The following CDH13 variants were observed in gnomAD, a reference collection of about 807,000 sequenced individuals.
CDH13 encodes cadherin 13, also known as cadherin-13.
Under a neutral mutation model 63.8 loss-of-function variants are expected in CDH13, and 24 were observed. The observed-to-expected ratio is 0.38, with a 90% CI of 0.27 to 0.53. The LOEUF (loss-of-function observed/expected upper bound fraction) is 0.53, where lower values mean the gene tolerates loss of function less well. Ranked by LOEUF, CDH13 falls within the 20% of genes least tolerant of loss-of-function variation. The pLI, the probability that CDH13 is intolerant of heterozygous loss-of-function variation, is 0.85. For missense variants in CDH13, 1,049 were observed against 903.1 expected, an observed-to-expected ratio of 1.16 and a Z score of -2.07; for synonymous variants, 503 against 355.3, an observed-to-expected ratio of 1.42 and a Z score of -4.67.
At position 83,734,517 on chromosome 16, in the gene CDH13, A is replaced by T. The variant is rs985900706; in HGVS notation, c.1539-13591A>T. Among the ~76,000 whole-genome samples, 3 of 148,712 alleles carry T rather than the reference A, an allele frequency of 2.0e-5. No individual in the cohort carries two copies. In the East Asian group the frequency reaches 6.3e-4, roughly 31 times the overall value. ...AAACACCGCATGTTCTCACTCATAG[A>T]TGGGAATTGAACAATGAGAACACAT... On this transcript the variant is annotated intron_variant, in intron 10 of 13. Transcript: ENST00000567109.
intron 3 of CDH13, among the ~76,000 whole-genome samples, chr16:83,121,049 G>A (rs549261499): frequency 7.9e-5 from 12 of 152,044 alleles, no homozygotes; most frequent in East Asian, 3.9e-4. Context: ...GGCGTGATCC[G>A]CTGCGCCCAG....
At chr16:82,658,095 T>C (rs1245288219) in intron 1 of CDH13, among the ~76,000 whole-genome samples, 6 of 152,250 alleles carry the variant, frequency 3.9e-5, no homozygotes, top group African/African-American at 1.4e-4. Flanking sequence ...TGTCTGTTAC[T>C]AGTTTGTTGA....
chr16:83,135,753 T>A (rs73604221), intron 4 of CDH13, among the ~76,000 whole-genome samples: 4,230 of 152,250 alleles, frequency 0.028, 210 homozygotes, highest in African/African-American at 0.097. Context: ...AACTCACAAT[T>A]GCAAAATCAT....
At chr16:82,672,398 C>G (rs769987329) in intron 1 of CDH13, among the ~76,000 whole-genome samples, 1 of 152,096 alleles carries the variant, frequency 6.6e-6, no homozygotes, top group African/African-American at 2.4e-5. Context: ...TATGCACCAC[C>G]ACCTTAAACT....
At chr16:83,014,577 T>TAC (rs1170894556) in intron 2 of CDH13, among the ~76,000 whole-genome samples, 28 of 149,888 alleles carry the variant, frequency 1.9e-4, no homozygotes, top group African/African-American at 6.4e-4. Context: ...CTACTAAAAA[T>TAC]AAAAAATTAG....
At chr16:83,749,670 C>G (rs1375277320) in intron 11 of CDH13, among the ~76,000 whole-genome samples, 4 of 152,090 alleles carry the variant, frequency 2.6e-5, no homozygotes, top group African/African-American at 9.7e-5. Context: ...GAGAGCTGGA[C>G]CAGATCTTGT....
chr16:82,692,060 C>T (rs1190898229), intron 1 of CDH13, among the ~76,000 whole-genome samples: 1 of 152,182 alleles, frequency 6.6e-6, no homozygotes. Context: ...GGGGATATGG[C>T]TGGACAATGA....
At chr16:83,602,332 T>C (rs1907925991) in intron 7 of CDH13, 122 bp from the exon 8 acceptor site, 4 of 941,900 alleles carry the variant, frequency 4.2e-6, no homozygotes, top group Non-Finnish European at 7.0e-6. Flanking sequence ...TATCACTCTT[T>C]AAAGATGCCT....
intron 10 of CDH13, among the ~76,000 whole-genome samples, chr16:83,739,069 G>A (rs939572081): frequency 6.6e-6 from 1 of 152,180 alleles, no homozygotes; most frequent in African/African-American, 2.4e-5. Context: ...CTGCCTACAA[G>A]GTTGGCCTCA....
At chr16:83,691,810 G>A (rs1433643009) in intron 10 of CDH13, among the ~76,000 whole-genome samples, 3 of 152,054 alleles carry the variant, frequency 2.0e-5, no homozygotes, top group African/African-American at 7.2e-5. Flanking sequence ...ACACAGCCAG[G>A]CTAGGTTGGC....
intron 5 of CDH13, among the ~76,000 whole-genome samples, chr16:83,313,647 A>C (rs992904081): frequency 6.8e-6 from 1 of 147,680 alleles, no homozygotes; most frequent in Non-Finnish European, 1.5e-5. Context: ...CCATTGTAAA[A>C]AAAAAAAAAA....
intron 5 of CDH13, among the ~76,000 whole-genome samples, chr16:83,232,549 C>CA (rs752481819): frequency 1.5e-4 from 16 of 104,516 alleles, no homozygotes; most frequent in Admixed American, 3.7e-4. Flanking sequence ...CAACAACAAA[C>CA]AAACAAAAAA....
At chr16:83,590,736 T>C (rs1040065750) in intron 7 of CDH13, among the ~76,000 whole-genome samples, 1 of 152,178 alleles carries the variant, frequency 6.6e-6, no homozygotes, top group Admixed American at 6.5e-5. Flanking sequence ...GAGTCATACA[T>C]TCATTCAGAA....
intron 10 of CDH13, among the ~76,000 whole-genome samples, chr16:83,729,809 C>G (rs1228982885): frequency 6.6e-6 from 1 of 152,212 alleles, no homozygotes; most frequent in Non-Finnish European, 1.5e-5. Flanking sequence ...GCAACTGCCA[C>G]TAGCATTCCC....
intron 11 of CDH13, among the ~76,000 whole-genome samples, chr16:83,757,785 A>C (rs760148800): frequency 3.3e-5 from 5 of 152,150 alleles, no homozygotes; most frequent in Non-Finnish European, 7.4e-5. Context: ...TATATTTGAC[A>C]ATTTGGACAT....
chr16:82,709,629 G>A (rs971582604), intron 1 of CDH13, among the ~76,000 whole-genome samples: 13 of 152,332 alleles, frequency 8.5e-5, no homozygotes, highest in South Asian at 2.1e-4. Context: ...TTGGCCCAGC[G>A]ACTGCGACAT....
At chr16:83,120,698 C>T (rs1261234587) in intron 3 of CDH13, among the ~76,000 whole-genome samples, 3 of 151,634 alleles carry the variant, frequency 2.0e-5, no homozygotes, top group African/African-American at 4.9e-5. Flanking sequence ...CTTAACAAAC[C>T]AACAGAATCT....
chr16:83,157,057 ATG>A (rs2037235832), intron 4 of CDH13, among the ~76,000 whole-genome samples: 4 of 152,208 alleles, frequency 2.6e-5, no homozygotes, highest in Admixed American at 6.5e-5. Flanking sequence ...CAGAACTCCA[ATG>A]ACGTCAGGCC....
At chr16:83,480,093 C>T (rs118146942) in intron 6 of CDH13, among the ~76,000 whole-genome samples, 2,568 of 152,148 alleles carry the variant, frequency 0.017, 24 homozygotes, top group Middle Eastern at 0.027. Flanking sequence ...GGGAGGACAA[C>T]GTGGGCAGAT....
Sources: gnomAD v4.1 joint callset for allele counts (sites outside exome capture counted in the v4.1 genomes callset) on GRCh38, gnomAD v4.1.1 for gene constraint, MANE v1.5 for transcripts, NCBI Gene and HGNC (gene_info 2026-07-23, HGNC 2026-07-21) for gene names.